C13orf42: variants seen among roughly 807,000 people sequenced by gnomAD.
C13orf42 encodes the protein uncharacterized protein C13orf42.
At chr13:51,142,930 G>A (rs1033814004) in intron 1 of C13orf42, among the ~76,000 whole-genome samples, 1 of 152,092 alleles carries the variant, frequency 6.6e-6, no homozygotes, top group African/African-American at 2.4e-5. Context: ...GCCACAATAA[G>A]AGGATCTATA....
chr13:51,119,021 C>T (rs532421047), intron 1 of C13orf42, among the ~76,000 whole-genome samples: 2 of 151,870 alleles, frequency 1.3e-5, no homozygotes, highest in East Asian at 3.9e-4. Context: ...CCCAAGAGTA[C>T]AGTATGCCCA....
intron 1 of C13orf42, among the ~76,000 whole-genome samples, chr13:51,119,161 A>G (rs139337005): frequency 2.4e-4 from 36 of 152,114 alleles, no homozygotes; most frequent in Admixed American, 1.2e-3. Flanking sequence ...GGTGTACAGT[A>G]TGCCCAGGTG....
chr13:51,153,456 G>C (rs1254006134), intron 1 of C13orf42, among the ~76,000 whole-genome samples: 1 of 151,786 alleles, frequency 6.6e-6, no homozygotes, highest in Non-Finnish European at 1.5e-5. Context: ...GAGAGAGAGA[G>C]AGAGACAGAG....
intron 1 of C13orf42, among the ~76,000 whole-genome samples, chr13:51,138,682 C>G (rs1411487508): frequency 1.3e-5 from 2 of 151,962 alleles, no homozygotes; most frequent in East Asian, 3.9e-4. Context: ...TATGGAGATT[C>G]CTCAAAAAAT....
intron 1 of C13orf42, among the ~76,000 whole-genome samples, chr13:51,164,341 CTT>C (rs1412478245): frequency 2.6e-5 from 4 of 152,126 alleles, no homozygotes; most frequent in South Asian, 2.1e-4. Context: ...TGTTCAAAGT[CTT>C]TTTACTGAAT....
At chr13:51,086,180 G>A (rs908718006) in intron 2 of C13orf42, among the ~76,000 whole-genome samples, 22 of 151,932 alleles carry the variant, frequency 1.4e-4, no homozygotes, top group African/African-American at 3.1e-4. Context: ...GGTGGTGAGC[G>A]CCCGTAGTCC....
At chr13:51,157,855 C>A (rs931247515) in intron 1 of C13orf42, among the ~76,000 whole-genome samples, 2 of 152,176 alleles carry the variant, frequency 1.3e-5, no homozygotes, top group African/African-American at 4.8e-5. Flanking sequence ...TTCTGGCTCT[C>A]ACAAAAGATT....
intron 1 of C13orf42, among the ~76,000 whole-genome samples, chr13:51,145,389 T>C (rs1349822737): frequency 1.3e-5 from 2 of 152,194 alleles, no homozygotes; most frequent in Admixed American, 1.3e-4. Context: ...CTATTTTCTC[T>C]TCACAGGACA....
chr13:51,103,445 G>A (rs927227800), intron 1 of C13orf42, among the ~76,000 whole-genome samples: 1 of 152,162 alleles, frequency 6.6e-6, no homozygotes, highest in Non-Finnish European at 1.5e-5. Flanking sequence ...GCTCACACCT[G>A]TAATCCCAGC....
intron 1 of C13orf42, among the ~76,000 whole-genome samples, chr13:51,106,255 A>G (rs1381845430): frequency 6.6e-6 from 1 of 152,166 alleles, no homozygotes; most frequent in Non-Finnish European, 1.5e-5. Context: ...GTTTCTCTTG[A>G]AGAAAAGAAG....
rs145757602 is a variant in C13orf42, at chr13:51,160,458, G to A, written n.136+11795C>T. ...TGGGAGACGGAGGTTGCAGTGAGCC[G>A]TGATTGCACCATTGCACTCCAGCTT... On this transcript the variant is annotated intron_variant and non_coding_transcript_variant, in intron 1 of 4. Transcript: ENST00000433280. Among the ~76,000 whole-genome samples the A allele has an allele frequency of 8.9e-3, 1,361 of 152,316 alleles. 21 individuals carry two copies. Among genetic ancestry groups the A allele is most frequent in the African/African-American group, 0.031 (1,270 of 41,574 alleles).
At chr13:51,105,845 T>C (rs922371996) in intron 1 of C13orf42, among the ~76,000 whole-genome samples, 1 of 152,190 alleles carries the variant, frequency 6.6e-6, no homozygotes, top group Non-Finnish European at 1.5e-5. Context: ...TGTAGATATA[T>C]TGACAGTATG....
chr13:51,113,567 TG>T (rs1434376707), upstream of C13orf42, among the ~76,000 whole-genome samples: 17 of 7,008 alleles, frequency 2.4e-3, no homozygotes, highest in East Asian at 0.022. Context: ...AAGTGTATTT[TG>T]TGTGTGTGTG....
At chr13:51,115,371 C>T (rs1953480351), upstream of C13orf42, among the ~76,000 whole-genome samples, 1 of 152,186 alleles carries the variant, frequency 6.6e-6, no homozygotes, top group Admixed American at 6.5e-5. Flanking sequence ...GGGCATTTGA[C>T]CAGGCACCCT....
At chr13:51,095,638 T>A (rs1953226516) in intron 1 of C13orf42, among the ~76,000 whole-genome samples, 1 of 152,134 alleles carries the variant, frequency 6.6e-6, no homozygotes, top group Non-Finnish European at 1.5e-5. Flanking sequence ...TCAAGTCTAC[T>A]GATGAGCCCA....
intron 1 of C13orf42, among the ~76,000 whole-genome samples, chr13:51,102,042 A>G (rs1197177136): frequency 6.6e-6 from 1 of 152,230 alleles, no homozygotes; most frequent in Non-Finnish European, 1.5e-5. Context: ...ACAGTTATCA[A>G]TCATTATTAT....
At chr13:51,120,443 G>C (rs139252716) in intron 1 of C13orf42, among the ~76,000 whole-genome samples, 1,656 of 152,292 alleles carry the variant, frequency 0.011, 34 homozygotes, top group Non-Finnish European at 0.012. Flanking sequence ...GCTCCCTGCT[G>C]TATCCACATT....
intron 1 of C13orf42, among the ~76,000 whole-genome samples, chr13:51,145,859 AT>A (rs1953730687): frequency 6.6e-6 from 1 of 152,188 alleles, no homozygotes; most frequent in Non-Finnish European, 1.5e-5. Context: ...TTGACGTCTC[AT>A]GTCTCCTTCA....
chr13:51,092,917 C>A (rs1366579995), intron 1 of C13orf42, among the ~76,000 whole-genome samples: 1 of 152,064 alleles, frequency 6.6e-6, no homozygotes, highest in Non-Finnish European at 1.5e-5. Context: ...CCTCTATCAA[C>A]CTCTCACTTT....
Sources: gnomAD v4.1 joint callset for allele counts (sites outside exome capture counted in the v4.1 genomes callset) on GRCh38, gnomAD v4.1.1 for gene constraint, MANE v1.5 for transcripts, NCBI Gene and HGNC (gene_info 2026-07-23, HGNC 2026-07-21) for gene names.